The following LASP1 variants were observed in gnomAD, a reference collection of about 807,000 sequenced individuals.
The protein encoded by LASP1 is LIM and SH3 protein 1.
Under a neutral mutation model 38.6 loss-of-function variants are expected in LASP1, and 10 were observed. The observed-to-expected ratio is 0.26, with a 90% CI of 0.16 to 0.44. The LOEUF (loss-of-function observed/expected upper bound fraction) is 0.44. Among genes scored for constraint, LASP1 ranks in the 20% least tolerant of loss-of-function variants. The probability of loss-of-function intolerance (pLI) is 1.00; values close to 1 mark genes in which losing one functional copy is unlikely to be tolerated. For synonymous variants in LASP1, 132 were observed against 140.8 expected, an observed-to-expected ratio of 0.94 and a Z score of 0.44; for missense variants, 243 against 375.7, an observed-to-expected ratio of 0.65 and a Z score of 2.92.
intron 2 of LASP1, among the ~76,000 whole-genome samples, chr17:38,889,093 C>T (rs1914227766): frequency 6.6e-6 from 1 of 152,198 alleles, no homozygotes; most frequent in African/African-American, 2.4e-5. Flanking sequence ...AAGCCCTTAG[C>T]ACAGGGAGAA....
At position 38,921,494 on chromosome 17, in the gene LASP1, C is replaced by T. The variant is rs540445526; in HGVS notation, c.*2716C>T. On this transcript the variant is annotated 3_prime_UTR_variant, in exon 7 of 7. Transcript: ENST00000318008. The stretch of plus-strand genomic sequence containing the variant: ...AAAAACAAAATACCACCCTACAAAC[C>T]TGTATTTAAAAAGAAACAGAAATGA... 2.2e-5 allele frequency: 5 copies of T among 232,558 alleles called. No individual in the cohort carries two copies. In the East Asian group the frequency reaches 2.4e-4, roughly 11 times the overall value. 14.4% of individuals were successfully genotyped at this position (232,558 alleles called of 1,614,324 possible).
At chr17:38,888,407 A>G (rs1914209485) in intron 2 of LASP1, among the ~76,000 whole-genome samples, 1 of 151,942 alleles carries the variant, frequency 6.6e-6, no homozygotes, top group Non-Finnish European at 1.5e-5. Context: ...CCTCCTGAGT[A>G]GCTGGGATTA....
At chr17:38,885,949 G>A (rs546444310) in intron 2 of LASP1, among the ~76,000 whole-genome samples, 4 of 152,140 alleles carry the variant, frequency 2.6e-5, no homozygotes, top group African/African-American at 4.8e-5. Flanking sequence ...AAACAAACCC[G>A]TGACACTTGT....
rs528997913 is a variant in LASP1, at chr17:38,919,869, TGTGTGA to T, written c.*1105_*1110del. On this transcript the variant is annotated 3_prime_UTR_variant, in exon 7 of 7. Coordinates refer to ENST00000318008, the MANE Select transcript of LASP1 (RefSeq NM_006148.4). ...TGTCTGCAGGTGTCTGACACGCAAG[TGTGTGA>T]GTGTGAGTGTGAGAGATGGGGCGGG... The T allele has an allele frequency of 4.1e-4, 192 of 472,664 alleles. No homozygotes were observed. Among genetic ancestry groups the T allele is most frequent in the African/African-American group, 3.1e-3 (162 of 52,186 alleles). 29.3% of individuals were successfully genotyped at this position (472,664 alleles called of 1,614,324 possible).
intron 2 of LASP1, among the ~76,000 whole-genome samples, chr17:38,879,375 C>G (rs1913874803): frequency 6.6e-6 from 1 of 151,686 alleles, no homozygotes; most frequent in Non-Finnish European, 1.5e-5. Flanking sequence ...CCAGGCTGGT[C>G]TCGAACTCCT....
chr17:38,898,383 C>T, intron 3 of LASP1, 29 bp from the exon 4 acceptor site: 1 of 1,513,576 alleles, frequency 6.6e-7, no homozygotes, highest in South Asian at 1.2e-5. Flanking sequence ...CCTGGCCTGA[C>T]TCCAATCCCT....
At chr17:38,915,019 G>A (rs1567706125) in intron 5 of LASP1, 24 bp from the exon 6 acceptor site, 1 of 1,609,976 alleles carries the variant, frequency 6.2e-7, no homozygotes, top group East Asian at 2.2e-5. Context: ...CAGTTTCCAA[G>A]CCCTGTCTCC....
In LASP1 at chr17:38,920,106, A is replaced by G. The variant is rs1194132124; in HGVS notation, c.*1328A>G. Reference sequence around the variant, plus strand: ...GGAAGCCCACCAATCTGCCCTTTGCAGTGTGCAGGGTGGAAGGTAAGAGGT... The same window carrying G: ...GGAAGCCCACCAATCTGCCCTTTGCGGTGTGCAGGGTGGAAGGTAAGAGGT... On this transcript the variant is annotated 3_prime_UTR_variant, in exon 7 of 7. Transcript: ENST00000318008. 1 of 536,806 alleles carries G rather than the reference A, an allele frequency of 1.9e-6. No individual in the cohort carries two copies. Among genetic ancestry groups the G allele is most frequent in the Admixed American group, 2.2e-5 (1 of 45,064 alleles). The allele number at this position is 536,806 out of a possible 1,614,324, so 33.3% of individuals were successfully genotyped here.
chr17:38,908,906 G>A (rs1914846624), intron 4 of LASP1, among the ~76,000 whole-genome samples: 1 of 152,244 alleles, frequency 6.6e-6, no homozygotes, highest in Admixed American at 6.5e-5. Context: ...CGGAGGGGAT[G>A]CCCAAAGGGG....
At chr17:38,905,228 T>G (rs1419554041) in intron 4 of LASP1, among the ~76,000 whole-genome samples, 1 of 152,180 alleles carries the variant, frequency 6.6e-6, no homozygotes, top group African/African-American at 2.4e-5. Context: ...TGCTGCATCT[T>G]AGAATGTGTG....
intron 1 of LASP1, among the ~76,000 whole-genome samples, chr17:38,871,801 G>A (rs142960013): frequency 6.6e-6 from 1 of 152,084 alleles, no homozygotes; most frequent in Non-Finnish European, 1.5e-5. Flanking sequence ...AGAGGAGGGG[G>A]TATATTGTGG....
At position 38,920,012 on chromosome 17, in the gene LASP1, C is replaced by T. The variant is rs1388236326; in HGVS notation, c.*1234C>T. On this transcript the variant is annotated 3_prime_UTR_variant, in exon 7 of 7. Coordinates refer to ENST00000318008, the MANE Select transcript of LASP1 (RefSeq NM_006148.4). ...GAACCCACAGTGAGAGGGGAGGGCT[C>T]CTGGGGCAGAGAAGTTCCTTAGGTT... 1.9e-6 allele frequency: 1 copy of T among 535,124 alleles called. No homozygotes were observed. The highest frequency in any genetic ancestry group is 3.6e-6 in the Non-Finnish European group (1 of 276,772). 33.1% of individuals were successfully genotyped at this position (535,124 alleles called of 1,614,324 possible).
chr17:38,919,066 TGG>T lies in LASP1; in HGVS notation c.*290_*291del, dbSNP rs992821480. ...CTGGAATGGGAGACCTGTTGGCCTG[TGG>T]GCCTCACCTGCCCCTCTGTTCTCTC... On this transcript the variant is annotated 3_prime_UTR_variant, in exon 7 of 7. Transcript: ENST00000318008. The T allele has an allele frequency of 8.4e-5, 38 of 453,388 alleles. No homozygotes were observed. The highest frequency in any genetic ancestry group is 1.5e-4 in the Non-Finnish European group (37 of 248,550). The allele number at this position is 453,388 out of a possible 1,614,324, so 28.1% of individuals were successfully genotyped here. A position where few individuals can be genotyped will look rare whatever the true frequency, so the allele number is the denominator to read the frequency against.
chr17:38,870,293 C>G (rs781238234), intron 1 of LASP1, 35 bp downstream of exon 1: 8 of 1,606,148 alleles, frequency 5.0e-6, no homozygotes, highest in Non-Finnish European at 8.5e-7. Context: ...TCTTTGCAAT[C>G]CCCCGCAGTG....
intron 1 of LASP1, among the ~76,000 whole-genome samples, chr17:38,875,145 G>C (rs918514606): frequency 4.0e-5 from 6 of 151,586 alleles, no homozygotes; most frequent in Non-Finnish European, 8.8e-5. Context: ...AGGCCCCTGT[G>C]GGGGTAGGGG....
intron 4 of LASP1, among the ~76,000 whole-genome samples, chr17:38,901,834 C>G (rs1914648338): frequency 6.6e-6 from 1 of 152,006 alleles, no homozygotes; most frequent in Non-Finnish European, 1.5e-5. Flanking sequence ...GGCGCAATCT[C>G]GGCTCACTGC....
At chr17:38,904,348 T>G (rs4794794) in intron 4 of LASP1, 59,019 of 151,988 alleles carry the variant, frequency 0.39, 12,178 homozygotes, top group Middle Eastern at 0.52. Context: ...ACCCCAGCAC[T>G]TTGGGAGGCC....
At chr17:38,913,556 C>T (rs1598121731) in intron 4 of LASP1, among the ~76,000 whole-genome samples, 1 of 152,302 alleles carries the variant, frequency 6.6e-6, no homozygotes, top group African/African-American at 2.4e-5. Context: ...GCAATCTACC[C>T]CTCAGGGGCG....
chr17:38,882,421 T>C (rs1913981636), intron 2 of LASP1, among the ~76,000 whole-genome samples: 1 of 152,154 alleles, frequency 6.6e-6, no homozygotes, highest in Admixed American at 6.6e-5. Flanking sequence ...CTAATTTTTG[T>C]ATTTTTAGTA....
Sources: allele counts gnomAD v4.1 joint callset (sites outside exome capture counted in the v4.1 genomes callset), GRCh38; gene constraint gnomAD v4.1.1; transcripts MANE v1.5; gene names NCBI Gene and HGNC (gene_info 2026-07-23, HGNC 2026-07-21).